TNFSF4: variants seen among roughly 807,000 people sequenced by gnomAD.
TNFSF4 encodes TNF superfamily member 4, also known as tumor necrosis factor ligand superfamily member 4.
A neutral mutation model predicts 7.3 loss-of-function variants in TNFSF4; 4 were observed. That is an observed-to-expected ratio of 0.55 (90% CI 0.27 to 1.25). TNFSF4 has a LOEUF of 1.25. Ranked by LOEUF, TNFSF4 falls within the 50% of genes most tolerant of loss-of-function variation. TNFSF4 has a pLI of 0.12. For missense variants in TNFSF4, 181 were observed against 208.8 expected, an observed-to-expected ratio of 0.87 and a Z score of 0.82; for synonymous variants, 76 against 83.7, an observed-to-expected ratio of 0.91 and a Z score of 0.50.
At chr1:173,270,988 C>T in the TNFSF4 span, among the ~76,000 whole-genome samples, 1 of 152,182 alleles carries the variant, frequency 6.6e-6, no homozygotes, top group African/African-American at 2.4e-5. Context: ...TATTTCTCAA[C>T]GTAAGCTGCA....
chr1:173,210,542 C>T (rs1335650095), upstream of TNFSF4, among the ~76,000 whole-genome samples: 1 of 152,180 alleles, frequency 6.6e-6, no homozygotes. Flanking sequence ...TCAGAAGAAT[C>T]TGTCGTAAAT....
the TNFSF4 span, among the ~76,000 whole-genome samples, chr1:173,172,890 T>A: frequency 6.6e-6 from 1 of 152,134 alleles, no homozygotes; most frequent in Non-Finnish European, 1.5e-5. Flanking sequence ...AGGAAAGAGA[T>A]TTAATTGACT....
At chr1:173,191,190 T>C (rs1394049441) in intron 1 of TNFSF4, among the ~76,000 whole-genome samples, 10 of 152,152 alleles carry the variant, frequency 6.6e-5, no homozygotes, top group Admixed American at 5.9e-4. Context: ...AGACATTCTC[T>C]GGGACGATGA....
At position 173,207,148 on chromosome 1, in the gene TNFSF4, T is replaced by A. The variant is rs1650231495; in HGVS notation, c.29A>T (p.Asn10Ile). The A allele has an allele frequency of 6.2e-7, 1 of 1,613,654 alleles. No individual in the cohort carries two copies. The highest frequency in any genetic ancestry group is 1.3e-5 in the African/African-American group (1 of 74,896). MERVQPLEE[N>I]VGNAARPRFE... is the part of the protein sequence containing the mutation. Reference sequence around the variant, plus strand: ...TCTTGGCCTGGCTGCATTTCCCACATTCTCTTCCAGGGGTTGGACCCTTTC... The same window carrying A: ...TCTTGGCCTGGCTGCATTTCCCACAATCTCTTCCAGGGGTTGGACCCTTTC... The change falls in exon 1 of 3, where the codon AAT becomes ATT. Residue 10 changes from asparagine (N) to isoleucine (I), a missense_variant. By Grantham distance (149) the Asn-to-Ile change is moderately radical. Transcript: ENST00000281834.
At chr1:173,412,870 T>C in the TNFSF4 span, among the ~76,000 whole-genome samples, 2 of 152,216 alleles carry the variant, frequency 1.3e-5, no homozygotes, top group African/African-American at 2.4e-5. Flanking sequence ...GTAAAATTCA[T>C]CAAGTTGTAT....
At chr1:173,419,097 T>G in the TNFSF4 span, among the ~76,000 whole-genome samples, 1 of 152,150 alleles carries the variant, frequency 6.6e-6, no homozygotes, top group African/African-American at 2.4e-5. Flanking sequence ...CCCAGCACTT[T>G]GGGAGGCCAA....
the TNFSF4 span, among the ~76,000 whole-genome samples, chr1:173,447,708 T>C: frequency 4.0e-5 from 6 of 151,788 alleles, no homozygotes; most frequent in East Asian, 9.7e-4. Flanking sequence ...GAGACATCAA[T>C]AGAAAGGGAA....
At chr1:173,306,118 CAT>C in the TNFSF4 span, among the ~76,000 whole-genome samples, 3 of 151,462 alleles carry the variant, frequency 2.0e-5, no homozygotes, top group African/African-American at 7.3e-5. Context: ...ATCTTATAAT[CAT>C]AATTGGAAGG....
At chr1:173,183,115 A>T (rs1335490622), downstream of TNFSF4, among the ~76,000 whole-genome samples, 2 of 152,226 alleles carry the variant, frequency 1.3e-5, no homozygotes, top group African/African-American at 2.4e-5. Context: ...ATTGGCTGCC[A>T]GATTGCAGTT....
chr1:173,361,023 A>G, the TNFSF4 span, among the ~76,000 whole-genome samples: 1 of 152,200 alleles, frequency 6.6e-6, no homozygotes, highest in Non-Finnish European at 1.5e-5. Context: ...AGATAGAGAG[A>G]TGAAGAAAAT....
At chr1:173,368,968 C>T in the TNFSF4 span, among the ~76,000 whole-genome samples, 61 of 152,258 alleles carry the variant, frequency 4.0e-4, no homozygotes, top group Middle Eastern at 3.4e-3. Flanking sequence ...GGCACCCAGG[C>T]TCACCAATAA....
intron 1 of TNFSF4, among the ~76,000 whole-genome samples, chr1:173,204,607 T>C (rs1650094458): frequency 6.6e-6 from 1 of 152,128 alleles, no homozygotes; most frequent in African/African-American, 2.4e-5. Flanking sequence ...AAAACCTTTC[T>C]CTCACAATAA....
At chr1:173,416,228 G>T in the TNFSF4 span, among the ~76,000 whole-genome samples, 36 of 152,282 alleles carry the variant, frequency 2.4e-4, no homozygotes, top group East Asian at 2.1e-3. Flanking sequence ...CTGGGCTGTG[G>T]GTGGTCTGCC....
At chr1:173,234,696 A>G in the TNFSF4 span, among the ~76,000 whole-genome samples, 1 of 152,360 alleles carries the variant, frequency 6.6e-6, no homozygotes, top group African/African-American at 2.4e-5. Context: ...TCGCAAGGAC[A>G]GAAAACCAAA....
the TNFSF4 span, among the ~76,000 whole-genome samples, chr1:173,219,946 G>A: frequency 3.9e-5 from 6 of 152,112 alleles, no homozygotes; most frequent in South Asian, 8.3e-4. Flanking sequence ...TGGGTACAGC[G>A]TACACTGCTC....
At chr1:173,270,796 T>C in the TNFSF4 span, among the ~76,000 whole-genome samples, 2 of 152,082 alleles carry the variant, frequency 1.3e-5, no homozygotes, top group African/African-American at 4.8e-5. Flanking sequence ...TGTGAATGCA[T>C]ATTATAAAGC....
the TNFSF4 span, among the ~76,000 whole-genome samples, chr1:173,377,696 C>T: frequency 6.6e-6 from 1 of 152,202 alleles, no homozygotes; most frequent in Non-Finnish European, 1.5e-5. Flanking sequence ...CTATTCCCTT[C>T]TTTAGGCACC....
the TNFSF4 span, among the ~76,000 whole-genome samples, chr1:173,243,628 C>T: frequency 6.6e-6 from 1 of 152,216 alleles, no homozygotes; most frequent in African/African-American, 2.4e-5. Context: ...TTCCACCTGG[C>T]AAAAACCTTA....
At chr1:173,234,359 A>C in the TNFSF4 span, among the ~76,000 whole-genome samples, 19,785 of 152,248 alleles carry the variant, frequency 0.13, 1,427 homozygotes, top group Middle Eastern at 0.17. Flanking sequence ...GGGACTGTAA[A>C]CTAGTTCAAC....
Sources: gnomAD v4.1 joint callset for allele counts (sites outside exome capture counted in the v4.1 genomes callset) on GRCh38, gnomAD v4.1.1 for gene constraint, MANE v1.5 for transcripts, NCBI Gene and HGNC (gene_info 2026-07-23, HGNC 2026-07-21) for gene names.